Variants in SLC10A2 observed in about 807,000 individuals in gnomAD.
The protein encoded by SLC10A2 is solute carrier family 10 member 2.
In SLC10A2, 34 loss-of-function variants were observed where a neutral mutation model predicts 27.1. The observed-to-expected ratio is 1.26, with a 90% CI of 0.96 to 1.67. The LOEUF (loss-of-function observed/expected upper bound fraction) is 1.67, where lower values mean the gene tolerates loss of function less well. Ranked by LOEUF, SLC10A2 falls within the 40% of genes most tolerant of loss-of-function variation. The probability of loss-of-function intolerance (pLI) is 0.00; values close to 1 mark genes in which losing one functional copy is unlikely to be tolerated. For missense variants in SLC10A2, 530 were observed against 444.4 expected, an observed-to-expected ratio of 1.19 and a Z score of -1.73; for synonymous variants, 205 against 174.0, an observed-to-expected ratio of 1.18 and a Z score of -1.40.
At chr13:103,062,401 C>T (rs1876150274) in intron 1 of SLC10A2, among the ~76,000 whole-genome samples, 1 of 152,162 alleles carries the variant, frequency 6.6e-6, no homozygotes, top group Non-Finnish European at 1.5e-5. Flanking sequence ...AATAATAGTA[C>T]TAACTTTAGA....
At chr13:103,048,891 A>C (rs879400507) in intron 5 of SLC10A2, among the ~76,000 whole-genome samples, 5 of 152,202 alleles carry the variant, frequency 3.3e-5, no homozygotes, top group Non-Finnish European at 4.4e-5. Flanking sequence ...TTTGTATACC[A>C]GTTTTCTGAT....
At chr13:103,056,779 C>T (rs1042039762) in intron 2 of SLC10A2, among the ~76,000 whole-genome samples, 10 of 151,992 alleles carry the variant, frequency 6.6e-5, no homozygotes, top group Admixed American at 5.9e-4. Flanking sequence ...AGGTTCTCTC[C>T]TGGAGTCTGA....
At chr13:103,059,649 G>A (rs1000649649) in intron 1 of SLC10A2, among the ~76,000 whole-genome samples, 1 of 152,166 alleles carries the variant, frequency 6.6e-6, no homozygotes, top group Non-Finnish European at 1.5e-5. Context: ...ATTAAATAAT[G>A]TATAAGGTTC....
At position 103,064,428 on chromosome 13, in the gene SLC10A2, C is replaced by A. The variant is rs190473783; in HGVS notation, c.377+1445G>T. ...GAATTCATTTCAACAACCTAATAGT[C>A]CAGTACCACACACGTTTTTTTTCTG... On this transcript the variant is annotated intron_variant, in intron 1 of 5. Transcript: ENST00000245312. Among the ~76,000 whole-genome samples, 860 of 152,230 alleles carry A rather than the reference C, an allele frequency of 5.6e-3. 2 individuals carry two copies. The highest frequency in any genetic ancestry group is 0.01 in the Non-Finnish European group (687 of 68,018).
chr13:103,064,481 T>G (rs9557997), intron 1 of SLC10A2, among the ~76,000 whole-genome samples: 47,223 of 151,800 alleles, frequency 0.31, 8,505 homozygotes, highest in South Asian at 0.49. Context: ...ATATGTGGTA[T>G]TACATTGAGG....
Position 103,044,096 on chromosome 13 carries a change from A to T in SLC10A2, c.*2037T>A, listed in dbSNP as rs200677233. On this transcript the variant is annotated 3_prime_UTR_variant, in exon 6 of 6. Coordinates refer to ENST00000245312, the MANE Select transcript of SLC10A2 (RefSeq NM_000452.3). The stretch of plus-strand genomic sequence containing the variant: ...AAATACATAATTTAATCGACTTTTC[A>T]AATTCATTTAAAAATAGAGAGCTAT... The T allele has an allele frequency of 5.3e-5, 8 of 152,206 alleles. No homozygotes were observed. The highest frequency in any genetic ancestry group is 7.3e-5 in the Non-Finnish European group (5 of 68,036). 9.4% of individuals were successfully genotyped at this position (152,206 alleles called of 1,614,324 possible).
chr13:103,048,480 C>A (rs1875677712), intron 5 of SLC10A2, among the ~76,000 whole-genome samples: 1 of 151,926 alleles, frequency 6.6e-6, no homozygotes, highest in Non-Finnish European at 1.5e-5. Flanking sequence ...AACTATATCT[C>A]TGGACATTTT....
At position 103,066,393 on chromosome 13, in the gene SLC10A2, C is replaced by G; in HGVS notation, c.-144G>C. ...CCTAAAAATATGTCACTTGGTGTCT[C>G]TTTTGAAAGCCACCTTAGGGAAGTA... On this transcript the variant is annotated 5_prime_UTR_variant, in exon 1 of 6. Transcript: ENST00000245312. 1 of 784,910 alleles carries G rather than the reference C, an allele frequency of 1.3e-6. No homozygotes were observed. Among genetic ancestry groups the G allele is most frequent in the Non-Finnish European group, 1.9e-6 (1 of 521,610 alleles). 48.6% of individuals were successfully genotyped at this position (784,910 alleles called of 1,614,324 possible). A position where few individuals can be genotyped will look rare whatever the true frequency, so the allele number is the denominator to read the frequency against.
intron 4 of SLC10A2, 94 bp from the exon 5 acceptor site, chr13:103,049,540 A>T: frequency 3.9e-6 from 5 of 1,277,284 alleles, no homozygotes; most frequent in Admixed American, 3.8e-5. Flanking sequence ...TATATGCATT[A>T]TGTCTCTGCT....
chr13:103,066,348 C>CT lies in SLC10A2; in HGVS notation c.-100_-99insA. Reference sequence around the variant, plus strand: ...AGTTAAGCAACGTTTACTTCTACCCCATCAAACTTTTAAACCCCTCCTAAA... The same window carrying CT: ...AGTTAAGCAACGTTTACTTCTACCCCTATCAAACTTTTAAACCCCTCCTAAA... On this transcript the variant is annotated 5_prime_UTR_variant, in exon 1 of 6. The change abolishes an upstream ATG in the 5' untranslated region. Coordinates refer to ENST00000245312, the MANE Select transcript of SLC10A2 (RefSeq NM_000452.3). The CT allele has an allele frequency of 7.2e-7, 1 of 1,386,852 alleles. No homozygotes were observed. The highest frequency in any genetic ancestry group is 9.6e-7 in the Non-Finnish European group (1 of 1,040,212). 85.9% of individuals were successfully genotyped at this position (1,386,852 alleles called of 1,614,324 possible).
intron 2 of SLC10A2, among the ~76,000 whole-genome samples, chr13:103,055,395 G>A (rs1875910440): frequency 6.6e-6 from 1 of 152,170 alleles, no homozygotes; most frequent in South Asian, 2.1e-4. Context: ...TGAATCACTG[G>A]AGCATGAAGT....
At position 103,044,304 on chromosome 13, in the gene SLC10A2, G is replaced by A. The variant is rs1875543569; in HGVS notation, c.*1829C>T. On this transcript the variant is annotated 3_prime_UTR_variant, in exon 6 of 6. Transcript: ENST00000245312. ...CCAGGCCCTTGATTTTGGGTGTGTT[G>A]AAATTACAAGAGGAGTTCTCAGGGT... 4 of 152,150 alleles carry A rather than the reference G, an allele frequency of 2.6e-5. No homozygotes were observed. The highest frequency in any genetic ancestry group is 2.0e-4 in the Admixed American group (3 of 15,256). 9.4% of individuals were successfully genotyped at this position (152,150 alleles called of 1,614,324 possible).
intron 1 of SLC10A2, among the ~76,000 whole-genome samples, chr13:103,062,424 G>A (rs1225534570): frequency 2.6e-5 from 4 of 152,208 alleles, no homozygotes; most frequent in Non-Finnish European, 5.9e-5. Context: ...ATTCTTGGGA[G>A]GATGAAATAT....
At chr13:103,054,967 G>T (rs979897191) in intron 2 of SLC10A2, among the ~76,000 whole-genome samples, 4 of 152,092 alleles carry the variant, frequency 2.6e-5, no homozygotes, top group African/African-American at 9.7e-5. Flanking sequence ...TCCATAACTT[G>T]GTCTTTAATC....
intron 1 of SLC10A2, among the ~76,000 whole-genome samples, chr13:103,065,609 T>A (rs1455616309): frequency 2.6e-5 from 4 of 152,212 alleles, no homozygotes; most frequent in African/African-American, 4.8e-5. Flanking sequence ...AAGCTTTGAA[T>A]CTTTTCCTAG....
At chr13:103,057,977 A>T (rs1386956716) in intron 2 of SLC10A2, among the ~76,000 whole-genome samples, 1 of 152,124 alleles carries the variant, frequency 6.6e-6, no homozygotes, top group Non-Finnish European at 1.5e-5. Context: ...GCAAGCTCCC[A>T]TGTCCCCAAA....
intron 1 of SLC10A2, among the ~76,000 whole-genome samples, chr13:103,062,744 A>G (rs1876161526): frequency 6.6e-6 from 1 of 152,188 alleles, no homozygotes; most frequent in Non-Finnish European, 1.5e-5. Flanking sequence ...TTGCCCAAAG[A>G]ACAAAGGATG....
At position 103,049,407 on chromosome 13, in the gene SLC10A2, C is replaced by A. The variant is rs201887831; in HGVS notation, c.801G>T (p.Thr267=). 1 of 1,613,960 alleles carries A rather than the reference C, an allele frequency of 6.2e-7. No individual in the cohort carries two copies. The highest frequency in any genetic ancestry group is 1.1e-5 in the South Asian group (1 of 91,084). Residue 267 remains threonine (T), a synonymous_variant, in exon 5 of 6, where the codon ACG becomes ACT. Transcript: ENST00000245312. ...GCTGAACGATGGTGGAACATAGCTG[C>A]GTGTTCTGCATCCCCGTTTCAAAAG... is the stretch of plus-strand genomic sequence containing the variant. ...TVAFETGMQN[T]QLCSTIVQLS...
rs1875997671 is a variant in SLC10A2, at chr13:103,058,261, T to TA, written c.496+2dup. The TA allele has an allele frequency of 1.3e-6, 2 of 1,512,106 alleles. No homozygotes were observed. Among genetic ancestry groups the TA allele is most frequent in the East Asian group, 4.5e-5 (2 of 44,406 alleles). 93.7% of individuals were successfully genotyped at this position (1,512,106 alleles called of 1,614,324 possible). On this transcript the variant is annotated splice_region_variant and intron_variant, in intron 2 of 5. Transcript: ENST00000245312. ...TCAACAGTCTTACAGATGGATGACTTACCTATGTTATCATAGGGAATTACG... is the reference window on the plus strand; with the variant it reads ...TCAACAGTCTTACAGATGGATGACTTAACCTATGTTATCATAGGGAATTACG...
Sources: gnomAD v4.1 joint callset for allele counts (sites outside exome capture counted in the v4.1 genomes callset) on GRCh38, gnomAD v4.1.1 for gene constraint, MANE v1.5 for transcripts, NCBI Gene and HGNC (gene_info 2026-07-23, HGNC 2026-07-21) for gene names.